Variants in NTM observed in about 807,000 individuals in gnomAD.
NTM encodes neurotrimin, also known as IgLON family member 2.
Under a neutral mutation model 42.1 loss-of-function variants are expected in NTM, and 13 were observed. That is an observed-to-expected ratio of 0.31 (90% CI 0.20 to 0.49). The LOEUF is 0.49. Among genes scored for constraint, NTM ranks in the 20% least tolerant of loss-of-function variants. The probability of loss-of-function intolerance (pLI) is 0.99; values close to 1 mark genes in which losing one functional copy is unlikely to be tolerated. For synonymous variants in NTM, 187 were observed against 179.2 expected, an observed-to-expected ratio of 1.04 and a Z score of -0.35; for missense variants, 373 against 452.8, an observed-to-expected ratio of 0.82 and a Z score of 1.60.
intron 1 of NTM, among the ~76,000 whole-genome samples, chr11:131,446,495 CAG>C (rs1483526346): frequency 6.6e-6 from 1 of 152,148 alleles, no homozygotes. Flanking sequence ...AGATGATAAA[CAG>C]TACTAGTTAG....
At chr11:131,564,219 T>C (rs1277253608) in intron 1 of NTM, among the ~76,000 whole-genome samples, 3 of 152,246 alleles carry the variant, frequency 2.0e-5, no homozygotes, top group African/African-American at 7.2e-5. Context: ...TCCCTCTTTC[T>C]TTCATCCTGG....
intron 1 of NTM, among the ~76,000 whole-genome samples, chr11:131,387,778 A>G (rs942563828): frequency 2.0e-5 from 3 of 152,214 alleles, no homozygotes; most frequent in African/African-American, 7.2e-5. Context: ...ATTTGTAAAA[A>G]GAAAATACAT....
chr11:131,371,970 C>T (rs1384982034), intron 1 of NTM, among the ~76,000 whole-genome samples: 4 of 152,144 alleles, frequency 2.6e-5, no homozygotes, highest in Non-Finnish European at 1.5e-5. Flanking sequence ...TCCCTCTGAC[C>T]CGGTGAAAAA....
At chr11:131,643,955 G>C (rs1288839228) in intron 1 of NTM, among the ~76,000 whole-genome samples, 1 of 152,252 alleles carries the variant, frequency 6.6e-6, no homozygotes, top group Non-Finnish European at 1.5e-5. Flanking sequence ...GCATAATCAT[G>C]TATGCACAGA....
At chr11:131,832,747 T>C (rs56279508) in intron 1 of NTM, among the ~76,000 whole-genome samples, 239 of 152,298 alleles carry the variant, frequency 1.6e-3, no homozygotes, top group African/African-American at 5.3e-3. Context: ...CAGAGTCACA[T>C]TGGAGATAAA....
chr11:131,486,876 G>A (rs960054936), intron 1 of NTM, among the ~76,000 whole-genome samples: 3 of 152,154 alleles, frequency 2.0e-5, no homozygotes, highest in Non-Finnish European at 4.4e-5. Context: ...ACGAATAGCG[G>A]GATGCCAGCC....
rs1160545867 is a variant in NTM at position 131,491,432 on chromosome 11, A to G, written c.82+120544A>G. On this transcript the variant is annotated intron_variant, in intron 1 of 8. Transcript: ENST00000683400. Reference sequence around the variant, plus strand: ...GTGGGTATATTTTAGCCTTTAAAAAATTATTACTTGTGATTTCTCATTTTA... The same window carrying G: ...GTGGGTATATTTTAGCCTTTAAAAAGTTATTACTTGTGATTTCTCATTTTA... Among the ~76,000 whole-genome samples the G allele has an allele frequency of 3.9e-5, 6 of 152,088 alleles. 2 individuals carry two copies. The highest frequency in any genetic ancestry group is 1.5e-4 in the African/African-American group (6 of 41,350).
chr11:131,707,156 C>G (rs540551529), intron 1 of NTM, among the ~76,000 whole-genome samples: 1 of 152,068 alleles, frequency 6.6e-6, no homozygotes, highest in African/African-American at 2.4e-5. Context: ...TCCCCTTACC[C>G]CATCACCCCA....
intron 1 of NTM, among the ~76,000 whole-genome samples, chr11:131,892,845 C>CCT (rs1213471123): frequency 1.3e-5 from 2 of 152,226 alleles, no homozygotes; most frequent in African/African-American, 4.8e-5. Flanking sequence ...GCAGAAGGCC[C>CCT]CACAGCAGGG....
intron 1 of NTM, among the ~76,000 whole-genome samples, chr11:131,492,743 G>T (rs1278277521): frequency 6.6e-6 from 1 of 152,204 alleles, no homozygotes; most frequent in Non-Finnish European, 1.5e-5. Flanking sequence ...AATGGGACCA[G>T]ATGATGGGGG....
At chr11:132,128,400 T>C (rs927989526) in intron 2 of NTM, among the ~76,000 whole-genome samples, 2 of 152,164 alleles carry the variant, frequency 1.3e-5, no homozygotes, top group African/African-American at 4.8e-5. Context: ...CTCTCAGCTG[T>C]AGAATTTAGA....
intron 1 of NTM, among the ~76,000 whole-genome samples, chr11:131,509,576 T>G (rs1026560977): frequency 6.6e-6 from 1 of 152,216 alleles, no homozygotes; most frequent in South Asian, 2.1e-4. Flanking sequence ...CAGGAAGACA[T>G]AGAAGACCCA....
At chr11:131,684,409 C>T (rs947259643) in intron 1 of NTM, among the ~76,000 whole-genome samples, 2 of 152,212 alleles carry the variant, frequency 1.3e-5, no homozygotes, top group African/African-American at 4.8e-5. Flanking sequence ...TAGTGGGTAG[C>T]CTGCTCCACT....
intron 4 of NTM, among the ~76,000 whole-genome samples, chr11:132,278,850 C>T (rs1346551448): frequency 2.0e-5 from 3 of 150,744 alleles, no homozygotes; most frequent in Non-Finnish European, 4.4e-5. Flanking sequence ...GTTCACTCTA[C>T]GCTCCTCTCC....
At chr11:131,986,771 C>A (rs1299627928) in intron 2 of NTM, among the ~76,000 whole-genome samples, 1 of 152,172 alleles carries the variant, frequency 6.6e-6, no homozygotes, top group Non-Finnish European at 1.5e-5. Flanking sequence ...TCTATTGCCA[C>A]TGCCTAGAAG....
intron 1 of NTM, among the ~76,000 whole-genome samples, chr11:131,484,186 A>C (rs1205782592): frequency 6.6e-6 from 1 of 152,230 alleles, no homozygotes; most frequent in Non-Finnish European, 1.5e-5. Context: ...CATTATGTTA[A>C]GTGTCCTGTC....
At chr11:131,675,052 C>T (rs2071132309) in intron 1 of NTM, among the ~76,000 whole-genome samples, 1 of 152,176 alleles carries the variant, frequency 6.6e-6, no homozygotes, top group African/African-American at 2.4e-5. Flanking sequence ...GTGAGCAGAC[C>T]TCAACCTTCG....
chr11:132,030,180 C>G (rs2075735053), intron 2 of NTM, among the ~76,000 whole-genome samples: 1 of 152,166 alleles, frequency 6.6e-6, no homozygotes, highest in African/African-American at 2.4e-5. Context: ...CCCTGTCTGG[C>G]TTCATAATGC....
chr11:131,532,206 A>G (rs560011659), intron 1 of NTM, among the ~76,000 whole-genome samples: 2 of 152,298 alleles, frequency 1.3e-5, no homozygotes, highest in Admixed American at 6.5e-5. Flanking sequence ...AACAGAAAAT[A>G]CATCCCCATT....
Sources: gnomAD v4.1 joint callset for allele counts (sites outside exome capture counted in the v4.1 genomes callset) on GRCh38, gnomAD v4.1.1 for gene constraint, MANE v1.5 for transcripts, NCBI Gene and HGNC (gene_info 2026-07-23, HGNC 2026-07-21) for gene names.